The following SALL4 variants were observed in gnomAD, a reference collection of about 807,000 sequenced individuals.
SALL4 encodes the protein spalt like transcription factor 4.
SALL4 carries 4 observed loss-of-function variants against 60.8 expected under a neutral mutation model. That is an observed-to-expected ratio of 0.07 (90% CI 0.03 to 0.15). The LOEUF is 0.15. SALL4 is among the 10% of genes least tolerant of loss of function. The pLI is 1.00. For synonymous variants in SALL4, 580 were observed against 574.9 expected, an observed-to-expected ratio of 1.01 and a Z score of -0.13; for missense variants, 1,178 against 1,394.7, an observed-to-expected ratio of 0.84 and a Z score of 2.48.
chr20:51,791,912 C>A lies in SALL4; in HGVS notation c.571G>T (p.Val191Leu), dbSNP rs1456963682. ...TCCGCGCTCCGCTGATTCACCGCCA[C>A]CTTGGTGCCCCGTAGTGCCTGCAAG... ...VTLQALRGTK[V>L]AVNQRSADAL... The change falls in exon 2 of 4, where the codon GTG becomes TTG. Residue 191 changes from valine (V) to leucine (L), a missense_variant. This residue lies in a region of SALL4 where 853 missense variants were observed against 1,036.8 expected (regional missense o/e 0.82). Coordinates refer to ENST00000217086, the MANE Select transcript of SALL4 (RefSeq NM_020436.5). The surrounding 1 kb of genome is among the most constrained non-coding windows in gnomAD (Gnocchi z 4.6). 6.2e-7 allele frequency: 1 copy of A among 1,614,254 alleles called. No homozygotes were observed. The highest frequency in any genetic ancestry group is 1.1e-5 in the South Asian group (1 of 91,088).
rs1449563130 is a variant in SALL4, at chr20:51,792,305, C to T, written c.178G>A (p.Glu60Lys). The T allele has an allele frequency of 6.2e-7, 1 of 1,608,514 alleles. No homozygotes were observed. The highest frequency in any genetic ancestry group is 1.3e-5 in the African/African-American group (1 of 74,916). The change falls in exon 2 of 4, where the codon GAA (glutamate) becomes AAA (lysine). Residue 60 changes from glutamate to lysine, a missense_variant. Around this residue, in one of 5 missense-constraint regions of SALL4, gnomAD observed 108 missense variants for 95.7 expected, o/e 1.13. Transcript: ENST00000217086. ...PGNDEVASEDEATVKRLRREE... is the reference protein window; with the variant it reads ...PGNDEVASEDKATVKRLRREE... ...CGACGAAGCCGCTTTACTGTGGCTT[C>T]ATCCTCACTCGCCACCTCGTCATTC...
chr20:51,786,068 C>T (rs1309886561), intron 3 of SALL4, among the ~76,000 whole-genome samples: 3 of 149,142 alleles, frequency 2.0e-5, no homozygotes, highest in Non-Finnish European at 4.4e-5. Context: ...TACAGGTGCA[C>T]ACCACCATGC....
At chr20:51,798,087 C>G (rs1453701945) in intron 1 of SALL4, among the ~76,000 whole-genome samples, 1 of 152,092 alleles carries the variant, frequency 6.6e-6, no homozygotes, top group Non-Finnish European at 1.5e-5. Context: ...AGTATTTAAC[C>G]AGTTGAAAGA....
At chr20:51,800,581 G>A (rs1372396122) in intron 1 of SALL4, among the ~76,000 whole-genome samples, 1 of 152,212 alleles carries the variant, frequency 6.6e-6, no homozygotes, top group Non-Finnish European at 1.5e-5. Context: ...CCAAAATGAA[G>A]GGGGAAGGGG....
rs1303731743 is a variant in SALL4 at position 51,791,117 on chromosome 20, G to A, written c.1366C>T (p.Pro456Ser). The A allele has an allele frequency of 6.2e-7, 1 of 1,614,128 alleles. No homozygotes were observed. Among genetic ancestry groups the A allele is most frequent in the Admixed American group, 1.7e-5 (1 of 60,014 alleles). The change falls in exon 2 of 4, where the codon CCC (proline) becomes TCC (serine). Residue 456 changes from proline (P) to serine (S), a missense_variant. Physicochemically the swap from Pro to Ser is moderately conservative, Grantham distance 74. Around this residue, in one of 5 missense-constraint regions of SALL4, gnomAD observed 853 missense variants for 1,036.8 expected, o/e 0.82. Transcript: ENST00000217086. The surrounding 1 kb of genome is among the most constrained non-coding windows in gnomAD (Gnocchi z 4.6). ...GGGTCAGGTACAGAGAGTGCATAGG[G>A]GATGCCATTGCCGGCCGCCACTTTG... ...QDKVAAGNGI[P>S]YALSVPDPID...
chr20:51,792,887 G>C (rs2078058013), intron 1 of SALL4: 1 of 1,015,118 alleles, frequency 9.9e-7, no homozygotes, highest in Non-Finnish European at 1.2e-6. Flanking sequence ...CCTCCCTGCT[G>C]TCCTCTCAGG....
At position 51,788,930 on chromosome 20, in the gene SALL4, A is replaced by C. The variant is rs779929335; in HGVS notation, c.2673T>G (p.Thr891=). 3.7e-6 allele frequency: 6 copies of C among 1,614,236 alleles called. No individual in the cohort carries two copies. The highest frequency in any genetic ancestry group is 5.1e-6 in the Non-Finnish European group (6 of 1,180,040). The change falls in exon 3 of 4, where the codon ACT becomes ACG. Residue 891 remains threonine, a synonymous_variant. Coordinates refer to ENST00000217086, the MANE Select transcript of SALL4 (RefSeq NM_020436.5). This position sits in a 1 kb window ranked among gnomAD's most constrained non-coding sequence, Gnocchi z 4.1. ...SASALQIHER[T]HTGEKPFVCN... ...ACACAAAAGGCTTCTCTCCAGTGTG[A>C]GTCCGCTCGTGGATCTGAAGAGCGC...
At position 51,784,440 on chromosome 20, in the gene SALL4, G is replaced by A. The variant is rs1160550665; in HGVS notation, c.2987C>T (p.Pro996Leu). Residue 996 changes from proline to leucine, a missense_variant, in exon 4 of 4, where the codon CCT (proline) becomes CTT (leucine). By Grantham distance (98) the Pro-to-Leu change is moderately conservative (BLOSUM62 -3). Transcript: ENST00000217086. ...EISVIQSGGV[P>L]TLPVSLGATS... ...GGCCCCCAAGGAAACCGGGAGGGTA[G>A]GAACCCCCCCACTCTGGATCACAGA... is the stretch of plus-strand genomic sequence containing the variant. 6.2e-7 allele frequency: 1 copy of A among 1,614,042 alleles called. No individual in the cohort carries two copies. Among genetic ancestry groups the A allele is most frequent in the Non-Finnish European group, 8.5e-7 (1 of 1,180,026 alleles).
In SALL4 at chr20:51,792,359, C is replaced by T. The variant is rs2078052624; in HGVS notation, c.131-7G>A. The T allele has an allele frequency of 6.2e-7, 1 of 1,601,258 alleles. No individual in the cohort carries two copies. The highest frequency in any genetic ancestry group is 1.3e-5 in the African/African-American group (1 of 74,860). ...GGGTGGTTCACTGGAGCACCTGTAACAAGACAGAAAAAGCTAAGGACTCTG... is the reference window on the plus strand; with the variant it reads ...GGGTGGTTCACTGGAGCACCTGTAATAAGACAGAAAAAGCTAAGGACTCTG... On this transcript the variant is annotated splice_region_variant and splice_polypyrimidine_tract_variant and intron_variant, in intron 1 of 3. Coordinates refer to ENST00000217086, the MANE Select transcript of SALL4 (RefSeq NM_020436.5).
chr20:51,784,030 A>T lies in SALL4; in HGVS notation c.*235T>A. 1 of 553,204 alleles carries T rather than the reference A, an allele frequency of 1.8e-6. No individual in the cohort carries two copies. Among genetic ancestry groups the T allele is most frequent in the Non-Finnish European group, 3.2e-6 (1 of 311,282 alleles). 34.3% of individuals were successfully genotyped at this position (553,204 alleles called of 1,614,324 possible). Reference sequence around the variant, plus strand: ...GCGAGACTCCATCTCAAAAAAAAAGAGTCTGTATTTGTTTTGGTATGCATT... The same window carrying T: ...GCGAGACTCCATCTCAAAAAAAAAGTGTCTGTATTTGTTTTGGTATGCATT... On this transcript the variant is annotated 3_prime_UTR_variant, in exon 4 of 4. Transcript: ENST00000217086.
chr20:51,785,380 T>TA (rs1414192197), intron 3 of SALL4, among the ~76,000 whole-genome samples: 1 of 152,236 alleles, frequency 6.6e-6, no homozygotes, highest in Non-Finnish European at 1.5e-5. Flanking sequence ...AGAATGGTTG[T>TA]ATGGGTGCTC....
At position 51,802,328 on chromosome 20, in the gene SALL4, G is replaced by A. The variant is rs1194946175; in HGVS notation, c.81C>T (p.Thr27=). Residue 27 remains threonine (T), a synonymous_variant, in exon 1 of 4, where the codon ACC becomes ACT. Transcript: ENST00000217086. ...CTGGGGCCGCATCTGCAAACTCCGG[G>A]GTCTGCTGCTGCGGCTGCTGCTCGC... The part of the protein sequence containing the change: ...DQGEQQPQQQ[T]PEFADAAPAA... The A allele has an allele frequency of 3.7e-6, 6 of 1,610,786 alleles. No individual in the cohort carries two copies. The highest frequency in any genetic ancestry group is 1.7e-5 in the Admixed American group (1 of 59,990).
chr20:51,790,251 C>G lies in SALL4; in HGVS notation c.2232G>C (p.Gln744His), dbSNP rs2078025900. Residue 744 changes from glutamine to histidine, a missense_variant, in exon 2 of 4, where the codon CAG becomes CAC. This residue lies in a region of SALL4 where 853 missense variants were observed against 1,036.8 expected (regional missense o/e 0.82). Coordinates refer to ENST00000217086, the MANE Select transcript of SALL4 (RefSeq NM_020436.5). The surrounding 1 kb of genome is among the most constrained non-coding windows in gnomAD (Gnocchi z 5.5). ...GKVGPAPFNLQRQGSRENGSV... is the reference protein window; with the variant it reads ...GKVGPAPFNLHRQGSRENGSV... ...AACCGTTTTCTCTGCTGCCCTGGCG[C>G]TGCAGGTTAAAAGGGGCAGGACCCA... 1 of 1,614,054 alleles carries G rather than the reference C, an allele frequency of 6.2e-7. No individual in the cohort carries two copies. The highest frequency in any genetic ancestry group is 1.3e-5 in the African/African-American group (1 of 74,910).
At chr20:51,785,401 C>T (rs531282318) in intron 3 of SALL4, among the ~76,000 whole-genome samples, 2 of 152,200 alleles carry the variant, frequency 1.3e-5, no homozygotes, top group African/African-American at 4.8e-5. Flanking sequence ...AAAGTCTGAT[C>T]TCTACTGAAT....
intron 3 of SALL4, among the ~76,000 whole-genome samples, chr20:51,786,378 G>A (rs1252227654): frequency 6.6e-6 from 1 of 152,134 alleles, no homozygotes; most frequent in East Asian, 1.9e-4. Flanking sequence ...ACAGGCGTGA[G>A]CCACTGCACC....
At position 51,784,146 on chromosome 20, in the gene SALL4, T is replaced by TA. The variant is rs1469135603; in HGVS notation, c.*118dup. 2.0e-5 allele frequency: 24 copies of TA among 1,210,634 alleles called. No individual in the cohort carries two copies. The highest frequency in any genetic ancestry group is 2.9e-5 in the Non-Finnish European group (24 of 832,370). 75.0% of individuals were successfully genotyped at this position (1,210,634 alleles called of 1,614,324 possible). Reference sequence around the variant, plus strand: ...GAGGTTGTGGTCACAACCAACGTAGTAAACATCATTTGCATATCAGTAAGA... The same window carrying TA: ...GAGGTTGTGGTCACAACCAACGTAGTAAAACATCATTTGCATATCAGTAAGA... On this transcript the variant is annotated 3_prime_UTR_variant, in exon 4 of 4. Transcript: ENST00000217086.
Position 51,790,457 on chromosome 20 carries a change from T to A in SALL4, c.2026A>T (p.Asn676Tyr), listed in dbSNP as rs781485143. ...TGSEPMTVGE[N>Y]GSTGAICHDD... ...TGGCAGATAGCGCCGGTGCTGCCGT[T>A]CTCACCCACGGTCATTGGCTCAGAA... Residue 676 changes from asparagine (N) to tyrosine (Y), a missense_variant, in exon 2 of 4, where the codon AAC becomes TAC. Asn to Tyr is a moderately radical substitution (Grantham distance 143). Around this residue, in one of 5 missense-constraint regions of SALL4, gnomAD observed 853 missense variants for 1,036.8 expected, o/e 0.82. Transcript: ENST00000217086. This position sits in a 1 kb window ranked among gnomAD's most constrained non-coding sequence, Gnocchi z 5.5. 1 of 1,614,066 alleles carries A rather than the reference T, an allele frequency of 6.2e-7. No individual in the cohort carries two copies. Among genetic ancestry groups the A allele is most frequent in the Non-Finnish European group, 8.5e-7 (1 of 1,180,032 alleles).
In SALL4 at chr20:51,790,485, C is replaced by T. The variant is rs757271801; in HGVS notation, c.1998G>A (p.Thr666=). ...TPLPENPCDF[T]GSEPMTVGEN... ...CACCCACGGTCATTGGCTCAGAACC[C>T]GTAAAGTCACAGGGATTCTCTGGCA... The change falls in exon 2 of 4, where the codon ACG becomes ACA. Residue 666 remains threonine (T), a synonymous_variant. Coordinates refer to ENST00000217086, the MANE Select transcript of SALL4 (RefSeq NM_020436.5). This position sits in a 1 kb window ranked among gnomAD's most constrained non-coding sequence, Gnocchi z 5.5. 15 of 1,613,946 alleles carry T rather than the reference C, an allele frequency of 9.3e-6. No homozygotes were observed. Among genetic ancestry groups the T allele is most frequent in the East Asian group, 2.2e-5 (1 of 44,886 alleles).
chr20:51,795,441 G>A (rs901603918), intron 1 of SALL4, among the ~76,000 whole-genome samples: 2 of 152,022 alleles, frequency 1.3e-5, no homozygotes, highest in African/African-American at 2.4e-5. Flanking sequence ...AAAAATGTTC[G>A]TCAATTCCCA....
Sources: gnomAD v4.1 joint callset for allele counts (sites outside exome capture counted in the v4.1 genomes callset) on GRCh38, gnomAD v4.1.1 for gene constraint, gnomAD v4.1.1 regional missense constraint, Gnocchi (gnomAD v3.1) non-coding constraint, MANE v1.5 for transcripts, NCBI Gene and HGNC (gene_info 2026-07-23, HGNC 2026-07-21) for gene names.